LEMD1: variants seen among roughly 807,000 people sequenced by gnomAD.
The protein encoded by LEMD1 is LEM domain-containing protein 1.
LEMD1 carries 18 observed loss-of-function variants against 17.4 expected under a neutral mutation model. The ratio of observed to expected loss-of-function variants is 1.04; its 90% confidence interval spans 0.72 to 1.54. The LOEUF is 1.54. Among genes scored for constraint, LEMD1 ranks in the 40% most tolerant of loss-of-function variants. LEMD1 has a pLI of 0.00. For synonymous variants in LEMD1, 88 were observed against 77.8 expected (o/e 1.13, Z -0.69); for missense variants, 195 against 210.4 (o/e 0.93, Z 0.45).
intron 4 of LEMD1, among the ~76,000 whole-genome samples, chr1:205,395,141 T>C (rs1368783213): frequency 6.6e-6 from 1 of 152,044 alleles, no homozygotes; most frequent in African/African-American, 2.4e-5. Context: ...CAAAAAAACA[T>C]GATGTCTGCA....
intron 4 of LEMD1, among the ~76,000 whole-genome samples, chr1:205,387,737 C>T (rs1055766552): frequency 2.0e-5 from 3 of 152,174 alleles, no homozygotes; most frequent in East Asian, 1.9e-4. Flanking sequence ...TGCTATACCT[C>T]GGCATTCAAG....
At chr1:205,418,385 C>CAGCA (rs1300016731) in intron 3 of LEMD1, among the ~76,000 whole-genome samples, 3 of 152,210 alleles carry the variant, frequency 2.0e-5, no homozygotes, top group African/African-American at 7.2e-5. Context: ...GGGCCACTGT[C>CAGCA]AGCAAAGCCC....
At chr1:205,390,814 A>T (rs1664295985) in intron 4 of LEMD1, among the ~76,000 whole-genome samples, 1 of 152,250 alleles carries the variant, frequency 6.6e-6, no homozygotes, top group African/African-American at 2.4e-5. Context: ...ATGCAATCTT[A>T]CTGAAGGACA....
At chr1:205,397,524 G>A (rs926907963) in intron 4 of LEMD1, among the ~76,000 whole-genome samples, 16 of 152,162 alleles carry the variant, frequency 1.1e-4, no homozygotes, top group Non-Finnish European at 2.4e-4. Context: ...CCAGGAGGTC[G>A]AGGCTATGGA....
chr1:205,384,560 A>G (rs527406170), intron 4 of LEMD1, among the ~76,000 whole-genome samples, 196 bp from the exon 5 acceptor site: 1 of 152,284 alleles, frequency 6.6e-6, no homozygotes, highest in African/African-American at 2.4e-5. Flanking sequence ...ATGGAGTAAT[A>G]TTTTACTTCA....
intron 1 of LEMD1, among the ~76,000 whole-genome samples, chr1:205,431,434 C>A (rs1402774976): frequency 6.6e-6 from 1 of 152,230 alleles, no homozygotes; most frequent in African/African-American, 2.4e-5. Context: ...TCTGACTTGA[C>A]CCCTGCAAAA....
At chr1:205,395,829 C>T (rs916272775) in intron 4 of LEMD1, among the ~76,000 whole-genome samples, 32 of 152,074 alleles carry the variant, frequency 2.1e-4, no homozygotes, top group South Asian at 1.5e-3. Context: ...GGGCAAAAGA[C>T]ATGAATAGGC....
chr1:205,400,318 A>G (rs1664781771), intron 4 of LEMD1, among the ~76,000 whole-genome samples: 1 of 152,188 alleles, frequency 6.6e-6, no homozygotes, highest in Admixed American at 6.5e-5. Context: ...TTGGCCTCCC[A>G]AAGTGTTGGG....
chr1:205,433,936 C>A (rs1037910038), intron 1 of LEMD1, among the ~76,000 whole-genome samples: 1 of 152,196 alleles, frequency 6.6e-6, no homozygotes, highest in African/African-American at 2.4e-5. Flanking sequence ...GATCTCTCCG[C>A]CCTCTCTCAG....
rs562255641 is a variant in LEMD1, at chr1:205,442,103, C to A, written c.-39+7765G>T. 1.8e-4 allele frequency among the ~76,000 whole-genome samples: 28 copies of A among 152,324 alleles called. No individual in the cohort carries two copies. The South Asian group carries it at 5.6e-3, about 30-fold the overall frequency. ...GAAAGGGAGCAGAAGTGCACTCAAG[C>A]CACTCAAGCGGAGAAGCTGAGAACA... On this transcript the variant is annotated intron_variant, in intron 1 of 3. Transcript: ENST00000367154.
chr1:205,412,845 C>T (rs1037186012), intron 4 of LEMD1, among the ~76,000 whole-genome samples: 1 of 152,160 alleles, frequency 6.6e-6, no homozygotes, highest in African/African-American at 2.4e-5. Flanking sequence ...AAAGTGGAGA[C>T]CGAAGGCCAC....
intron 1 of LEMD1, chr1:205,436,230 C>T (rs1999132): frequency 0.87 from 132,602 of 152,010 alleles, 58,728 homozygotes; most frequent in East Asian, 0.99. Context: ...AACTCCAGAC[C>T]TGGGGGGTGG....
intron 4 of LEMD1, among the ~76,000 whole-genome samples, chr1:205,409,360 C>T (rs911539397): frequency 2.0e-4 from 30 of 152,136 alleles, no homozygotes; most frequent in Non-Finnish European, 2.6e-4. Context: ...AATTAAATAT[C>T]ATGCTTTTCA....
chr1:205,388,116 G>T (rs1664128243), intron 4 of LEMD1, among the ~76,000 whole-genome samples: 1 of 152,152 alleles, frequency 6.6e-6, no homozygotes. Context: ...ACTGCAGCAT[G>T]ATAGTGGAGG....
At chr1:205,404,814 T>C (rs902772992) in intron 4 of LEMD1, among the ~76,000 whole-genome samples, 1 of 152,194 alleles carries the variant, frequency 6.6e-6, no homozygotes, top group African/African-American at 2.4e-5. Context: ...CTTTACATTT[T>C]GGCATGATTT....
At position 205,405,483 on chromosome 1, in the gene LEMD1, G is replaced by A. The variant is rs1216657417; in HGVS notation, c.270+10749C>T. 9.0e-5 allele frequency among the ~76,000 whole-genome samples: 13 copies of A among 144,176 alleles called. No individual in the cohort carries two copies. The East Asian group carries it at 2.5e-3, about 28-fold the overall frequency. 94.6% of individuals were successfully genotyped at this position (144,176 alleles called of 152,430 possible). On this transcript the variant is annotated intron_variant, in intron 4 of 5. Coordinates refer to ENST00000367153, the MANE Select transcript of LEMD1 (RefSeq NM_001199050.2). ...TCCATCACTGATACACTTTCTTCCA[G>A]TTGATCGCATCGGCTCCTGAGGCTT...
intron 4 of LEMD1, among the ~76,000 whole-genome samples, chr1:205,396,558 A>G (rs1664599871): frequency 6.6e-6 from 1 of 152,000 alleles, no homozygotes; most frequent in Non-Finnish European, 1.5e-5. Flanking sequence ...ATGTCCAACA[A>G]ATAGGGAATG....
intron 4 of LEMD1, among the ~76,000 whole-genome samples, chr1:205,413,087 T>C (rs1341574340): frequency 6.6e-6 from 1 of 152,218 alleles, no homozygotes; most frequent in Non-Finnish European, 1.5e-5. Context: ...ATAGCATACA[T>C]GGCAATGTTT....
intron 4 of LEMD1, 133 bp downstream of exon 4, chr1:205,416,099 T>C: frequency 1.8e-6 from 1 of 557,820 alleles, no homozygotes; most frequent in East Asian, 3.2e-5. Flanking sequence ...AAAATGATCC[T>C]CTTTAAACTA....
Sources: gnomAD v4.1 joint callset for allele counts (sites outside exome capture counted in the v4.1 genomes callset) on GRCh38, gnomAD v4.1.1 for gene constraint, MANE v1.5 for transcripts, NCBI Gene and HGNC (gene_info 2026-07-23, HGNC 2026-07-21) for gene names.